Variants in VWF observed in about 807,000 individuals in gnomAD.
VWF encodes the protein Factor VIII related antigen.
In VWF, 176 loss-of-function variants were observed where a neutral mutation model predicts 308.6. The ratio of observed to expected loss-of-function variants is 0.57; its 90% confidence interval spans 0.50 to 0.65. The LOEUF is 0.65. Ranked by LOEUF, VWF falls within the 30% of genes least tolerant of loss-of-function variation. VWF has a pLI of 0.00. For synonymous variants in VWF, 1,385 were observed against 1,443.4 expected (o/e 0.96, Z 0.92); for missense variants, 3,146 against 3,648.2 (o/e 0.86, Z 3.55).
intron 5 of VWF, among the ~76,000 whole-genome samples, chr12:6,107,322 T>C (rs984690430): frequency 1.2e-4 from 18 of 152,358 alleles, no homozygotes; most frequent in African/African-American, 4.3e-4. Context: ...AACTGTTCTA[T>C]AGTTTGATTG....
At chr12:5,986,205 C>A (rs1354629471) in intron 38 of VWF, among the ~76,000 whole-genome samples, 1 of 152,152 alleles carries the variant, frequency 6.6e-6, no homozygotes, top group Non-Finnish European at 1.5e-5. Context: ...GTACACACAG[C>A]CCCACAGCAC....
rs944094963 is a variant in VWF, at chr12:6,093,965, G to A, written c.657+1495C>T. Among the ~76,000 whole-genome samples the A allele has an allele frequency of 3.3e-5, 5 of 152,184 alleles. No homozygotes were observed. The South Asian group carries it at 1.0e-3, about 32-fold the overall frequency. ...AGTGGCAACAGGGCTCTGTGGAAGG[G>A]GTGGGGCAGTCCTCCCAGCCTTGTC... On this transcript the variant is annotated intron_variant, in intron 6 of 51. Transcript: ENST00000261405.
chr12:5,983,385 G>A, intron 40 of VWF, 131 bp from the exon 41 acceptor site: 2 of 787,162 alleles, frequency 2.5e-6, no homozygotes, highest in South Asian at 3.1e-5. Context: ...GATGGAGACA[G>A]AGATTACATG....
chr12:6,004,693 T>G, intron 34 of VWF, among the ~76,000 whole-genome samples: 1 of 148,670 alleles, frequency 6.7e-6, no homozygotes, highest in South Asian at 2.1e-4. Flanking sequence ...GATATGGAAT[T>G]AACATATACA....
chr12:6,019,323 C>A lies in VWF; in HGVS notation c.4095G>T (p.Leu1365=), dbSNP rs756761688. 1 of 1,613,940 alleles carries A rather than the reference C, an allele frequency of 6.2e-7. No individual in the cohort carries two copies. Among genetic ancestry groups the A allele is most frequent in the Admixed American group, 1.7e-5 (1 of 60,028 alleles). The change falls in exon 28 of 52, where the codon CTG becomes CTT. Residue 1365 remains leucine, a synonymous_variant. Transcript: ENST00000261405. The surrounding 1 kb of genome is among the most constrained non-coding windows in gnomAD (Gnocchi z 5.8). ...GGTCGATCTTGCTGAAGATTTGGAA[C>A]AGTGTGTATTTCAAGACCTCGCTGG... The part of the protein sequence containing the change: ...ASTSEVLKYT[L]FQIFSKIDRP...
intron 3 of VWF, among the ~76,000 whole-genome samples, chr12:6,114,686 C>T (rs1945344948): frequency 6.6e-6 from 1 of 152,142 alleles, no homozygotes; most frequent in South Asian, 2.1e-4. Flanking sequence ...CAAGGGCTTG[C>T]TCTGGGCAGC....
At chr12:6,085,332 C>G (rs1262601405) in intron 6 of VWF, among the ~76,000 whole-genome samples, 1 of 152,230 alleles carries the variant, frequency 6.6e-6, no homozygotes, top group Non-Finnish European at 1.5e-5. Context: ...ACTTACCATT[C>G]ACTTGGCGAT....
chr12:6,057,165 T>C (rs1944589328), intron 14 of VWF, 93 bp from the exon 15 acceptor site: 1 of 1,211,716 alleles, frequency 8.3e-7, no homozygotes, highest in Non-Finnish European at 1.1e-6. Flanking sequence ...AGCCCAGTGC[T>C]GCTAATAGAG....
intron 6 of VWF, among the ~76,000 whole-genome samples, chr12:6,089,375 C>T (rs1410905703): frequency 1.3e-5 from 2 of 152,186 alleles, no homozygotes; most frequent in East Asian, 3.8e-4. Context: ...GGAGGTCTCA[C>T]GTGTTTGTGG....
At chr12:5,995,882 A>G in intron 35 of VWF, 120 bp downstream of exon 35, 1 of 913,752 alleles carries the variant, frequency 1.1e-6, no homozygotes, top group East Asian at 2.6e-5. Context: ...CCTCTCCTCC[A>G]CTTAAGCAGA....
chr12:5,954,358 CAATT>C (rs1292300074), intron 47 of VWF, among the ~76,000 whole-genome samples: 1 of 152,106 alleles, frequency 6.6e-6, no homozygotes, highest in Non-Finnish European at 1.5e-5. Context: ...TGATTATAAA[CAATT>C]AACGAAATAT....
intron 38 of VWF, among the ~76,000 whole-genome samples, chr12:5,991,579 A>C (rs562168950): frequency 6.6e-6 from 1 of 152,352 alleles, no homozygotes; most frequent in Admixed American, 6.5e-5. Flanking sequence ...TCATAATAAT[A>C]ATGTGGTAAC....
At chr12:6,094,723 T>A (rs996996395) in intron 6 of VWF, among the ~76,000 whole-genome samples, 1 of 152,030 alleles carries the variant, frequency 6.6e-6, no homozygotes, top group Non-Finnish European at 1.5e-5. Context: ...TTTTCTTTTT[T>A]TTTAATTGAG....
At chr12:6,029,547 C>T in intron 21 of VWF, 59 bp from the exon 22 acceptor site, 1 of 1,603,076 alleles carries the variant, frequency 6.2e-7, no homozygotes, top group Non-Finnish European at 8.5e-7. Context: ...ACAGCCAGAT[C>T]CTCCCTCCAC....
chr12:5,994,691 C>A (rs1013804676), intron 35 of VWF, 84 bp from the exon 36 acceptor site: 6 of 1,217,312 alleles, frequency 4.9e-6, no homozygotes, highest in Admixed American at 3.5e-5. Context: ...AGTTCCTGCA[C>A]ATTCATCACA....
intron 18 of VWF, among the ~76,000 whole-genome samples, chr12:6,038,398 C>T (rs576892555): frequency 1.3e-5 from 2 of 152,362 alleles, no homozygotes; most frequent in African/African-American, 4.8e-5. Flanking sequence ...GCCAGGCTCC[C>T]CTTACCTCAG....
At chr12:5,988,750 C>T (rs934593064) in intron 38 of VWF, among the ~76,000 whole-genome samples, 3 of 152,186 alleles carry the variant, frequency 2.0e-5, no homozygotes, top group African/African-American at 2.4e-5. Flanking sequence ...GCAACGCGGC[C>T]GGCAGATGGC....
chr12:6,057,482 TA>T (rs1345370205), intron 14 of VWF, among the ~76,000 whole-genome samples: 17 of 71,656 alleles, frequency 2.4e-4, no homozygotes, highest in African/African-American at 6.2e-4. Flanking sequence ...CCGGCAAATT[TA>T]TTATTATTAT....
At chr12:6,041,393 G>A (rs954715453) in intron 18 of VWF, among the ~76,000 whole-genome samples, 2 of 151,672 alleles carry the variant, frequency 1.3e-5, no homozygotes, top group Non-Finnish European at 2.9e-5. Context: ...CCATGCCACT[G>A]CACTGCAGCC....
Sources: allele counts gnomAD v4.1 joint callset (sites outside exome capture counted in the v4.1 genomes callset), GRCh38; gene constraint gnomAD v4.1.1; non-coding constraint Gnocchi (gnomAD v3.1); transcripts MANE v1.5; gene names NCBI Gene and HGNC (gene_info 2026-07-23, HGNC 2026-07-21).